The following PLOD2 variants were observed in gnomAD, a reference collection of about 807,000 sequenced individuals.
The protein encoded by PLOD2 is procollagen-lysine,2-oxoglutarate 5-dioxygenase 2, also known as lysine hydroxylase 2.
In PLOD2, 65 loss-of-function variants were observed where a neutral mutation model predicts 101.0. The ratio of observed to expected loss-of-function variants is 0.64; its 90% CI spans 0.53 to 0.79. The LOEUF (loss-of-function observed/expected upper bound fraction) is 0.79. Among genes scored for constraint, PLOD2 ranks in the 30% least tolerant of loss-of-function variants. The probability of loss-of-function intolerance (pLI) is 0.00; values close to 1 mark genes in which losing one functional copy is unlikely to be tolerated. For missense variants in PLOD2, 909 were observed against 914.6 expected (o/e 0.99, Z 0.08); for synonymous variants, 314 against 302.9 (o/e 1.04, Z -0.38).
intron 1 of PLOD2, among the ~76,000 whole-genome samples, chr3:146,136,427 T>C (rs2031233497): frequency 6.6e-6 from 1 of 152,206 alleles, no homozygotes; most frequent in Admixed American, 6.5e-5. Flanking sequence ...CTTTACTTCT[T>C]GCATAAAATT....
chr3:146,089,050 A>C (rs1936887442), intron 8 of PLOD2, among the ~76,000 whole-genome samples: 1 of 151,580 alleles, frequency 6.6e-6, no homozygotes, highest in Non-Finnish European at 1.5e-5. Flanking sequence ...TCACATCTGA[A>C]AGCTATTTTG....
chr3:146,145,969 T>C (rs1189537631), intron 1 of PLOD2, among the ~76,000 whole-genome samples: 1 of 152,148 alleles, frequency 6.6e-6, no homozygotes. Context: ...GTCTCTTCCA[T>C]AAAAGTTACA....
At chr3:146,075,263 C>T (rs1364335961) in intron 15 of PLOD2, among the ~76,000 whole-genome samples, 1 of 151,140 alleles carries the variant, frequency 6.6e-6, no homozygotes, top group Non-Finnish European at 1.5e-5. Context: ...ATTTACTATC[C>T]CCATATCTCA....
intron 2 of PLOD2, among the ~76,000 whole-genome samples, chr3:146,123,823 C>T (rs536343605): frequency 6.6e-6 from 1 of 151,912 alleles, no homozygotes; most frequent in African/African-American, 2.4e-5. Context: ...GTTTGAGTGG[C>T]ACAGCATTAT....
At chr3:146,092,103 ATG>A (rs1936994683) in intron 7 of PLOD2, among the ~76,000 whole-genome samples, 1 of 110,798 alleles carries the variant, frequency 9.0e-6, no homozygotes, top group Non-Finnish European at 2.0e-5. Context: ...ATGTCTAGAA[ATG>A]TCAAAAAAAA....
At chr3:146,097,214 G>A (rs62271043) in intron 7 of PLOD2, among the ~76,000 whole-genome samples, 58,538 of 142,798 alleles carry the variant, frequency 0.41, 9,084 homozygotes, top group East Asian at 0.48. Context: ...GCCCCATCCG[G>A]GAGGTGAGGG....
At chr3:146,102,049 C>A (rs999181214) in intron 7 of PLOD2, among the ~76,000 whole-genome samples, 2 of 152,184 alleles carry the variant, frequency 1.3e-5, no homozygotes, top group Admixed American at 6.5e-5. Flanking sequence ...CCACATCCCC[C>A]AGTATTTTCT....
intron 9 of PLOD2, among the ~76,000 whole-genome samples, chr3:146,087,697 C>T (rs539256236): frequency 2.0e-5 from 3 of 151,778 alleles, no homozygotes; most frequent in South Asian, 2.1e-4. Flanking sequence ...AAGACAAAAA[C>T]GTCCGCCATC....
intron 7 of PLOD2, among the ~76,000 whole-genome samples, chr3:146,096,996 A>G (rs1446336495): frequency 1.1e-5 from 1 of 87,774 alleles, no homozygotes; most frequent in African/African-American, 4.5e-5. Flanking sequence ...GCCGGGAGGG[A>G]GGTGGGGGGG....
In PLOD2 at chr3:146,076,806, G is replaced by C. The variant is rs891663945; in HGVS notation, c.1653C>G (p.Leu551=). ...NYNTSHYNND[L]WQIFENPVDW... ...CCACAGGATTTTCAAAAATCTGCCA[G>C]AGGTCATTGTTATAATGGGAAGTAT... Residue 551 remains leucine, a synonymous_variant, in exon 15 of 20, where the codon CTC becomes CTG. Transcript: ENST00000282903. 3 of 1,561,558 alleles carry C rather than the reference G, an allele frequency of 1.9e-6. No homozygotes were observed. Among genetic ancestry groups the C allele is most frequent in the Non-Finnish European group, 2.6e-6 (3 of 1,134,082 alleles).
intron 4 of PLOD2, among the ~76,000 whole-genome samples, chr3:146,107,489 CAAAATT>C (rs1937555299): frequency 6.6e-6 from 1 of 151,188 alleles, no homozygotes; most frequent in South Asian, 2.1e-4. Context: ...TTTTAACTGT[CAAAATT>C]AAAATTTTCT....
At chr3:146,149,491 G>C (rs887132893) in intron 1 of PLOD2, among the ~76,000 whole-genome samples, 4 of 152,100 alleles carry the variant, frequency 2.6e-5, no homozygotes, top group African/African-American at 9.7e-5. Context: ...CCATGGAGCT[G>C]ACAGTACTGG....
intron 1 of PLOD2, among the ~76,000 whole-genome samples, chr3:146,144,593 CAAT>C (rs1202329970): frequency 6.6e-6 from 1 of 151,976 alleles, no homozygotes; most frequent in African/African-American, 2.4e-5. Flanking sequence ...AATACCCTTA[CAAT>C]ATTATTTTTG....
At chr3:146,083,214 G>A (rs969967171) in intron 11 of PLOD2, among the ~76,000 whole-genome samples, 1 of 152,154 alleles carries the variant, frequency 6.6e-6, no homozygotes, top group Non-Finnish European at 1.5e-5. Context: ...GAATAAAAAT[G>A]TAAGGATGGC....
intron 3 of PLOD2, among the ~76,000 whole-genome samples, chr3:146,116,821 C>G (rs1169737233): frequency 6.6e-6 from 1 of 152,092 alleles, no homozygotes; most frequent in African/African-American, 2.4e-5. Context: ...TAAAACCTTG[C>G]CAAATATCTA....
At chr3:146,121,363 T>C (rs1456610357) in intron 2 of PLOD2, 115 bp from the exon 3 acceptor site, 1 of 845,422 alleles carries the variant, frequency 1.2e-6, no homozygotes, top group African/African-American at 1.7e-5. Context: ...ACTCTTCTAA[T>C]GTTTCATGGA....
intron 1 of PLOD2, among the ~76,000 whole-genome samples, chr3:146,142,701 C>T (rs1025306905): frequency 1.3e-5 from 2 of 152,048 alleles, no homozygotes; most frequent in Non-Finnish European, 2.9e-5. Flanking sequence ...CACAAATATC[C>T]CAGTGCTTGC....
chr3:146,084,889 G>A (rs1163870966), intron 11 of PLOD2, among the ~76,000 whole-genome samples: 1 of 152,016 alleles, frequency 6.6e-6, no homozygotes, highest in Non-Finnish European at 1.5e-5. Flanking sequence ...CTAAATTTTA[G>A]TATCAGATGT....
chr3:146,115,662 A>G (rs566426407), intron 3 of PLOD2, among the ~76,000 whole-genome samples: 2 of 152,286 alleles, frequency 1.3e-5, no homozygotes, highest in African/African-American at 4.8e-5. Context: ...TTCCTCACTC[A>G]TAAATAAGAC....
Sources: gnomAD v4.1 joint callset for allele counts (sites outside exome capture counted in the v4.1 genomes callset) on GRCh38, gnomAD v4.1.1 for gene constraint, MANE v1.5 for transcripts, NCBI Gene and HGNC (gene_info 2026-07-23, HGNC 2026-07-21) for gene names.